The following DTX1 variants were observed in gnomAD, a reference collection of about 807,000 sequenced individuals.
DTX1 encodes the protein deltex E3 ubiquitin ligase 1, also known as E3 ubiquitin-protein ligase DTX1.
In DTX1, 26 loss-of-function variants were observed where a neutral mutation model predicts 57.8. The ratio of observed to expected loss-of-function variants is 0.45; its 90% CI spans 0.33 to 0.62. The LOEUF is 0.62. Ranked by LOEUF, DTX1 falls within the 20% of genes least tolerant of loss-of-function variation. The pLI is 0.02. For missense variants in DTX1, 704 were observed against 895.3 expected, an observed-to-expected ratio of 0.79 and a Z score of 2.73; for synonymous variants, 398 against 394.1, an observed-to-expected ratio of 1.01 and a Z score of -0.12.
In DTX1 at chr12:113,093,764, GACCCCT is replaced by G; in HGVS notation, c.1165+65_1165+70del. On this transcript the variant is annotated intron_variant, in intron 5 of 9. Transcript: ENST00000548759. The surrounding 1 kb of genome is among the most constrained non-coding windows in gnomAD (Gnocchi z 4.2). ...CACTAAGCCTTGACCACAACTCTGT[GACCCCT>G]GGTCTCCAACTTATTCTTAGCATTT... 2.5e-6 allele frequency: 4 copies of G among 1,590,884 alleles called. No homozygotes were observed. The highest frequency in any genetic ancestry group is 3.4e-6 in the Non-Finnish European group (4 of 1,165,244).
At chr12:113,078,858 G>T (rs2044795076) in intron 3 of DTX1, among the ~76,000 whole-genome samples, 1 of 152,108 alleles carries the variant, frequency 6.6e-6, no homozygotes, top group African/African-American at 2.4e-5. Context: ...ACTATGGTTT[G>T]CACACTGGGC....
At chr12:113,081,984 G>A (rs956535368) in intron 3 of DTX1, among the ~76,000 whole-genome samples, 1 of 152,190 alleles carries the variant, frequency 6.6e-6, no homozygotes, top group South Asian at 2.1e-4. Flanking sequence ...AGCTCTAGAG[G>A]GCTGTAGTGA....
intron 2 of DTX1, among the ~76,000 whole-genome samples, chr12:113,058,910 GTC>G (rs1379140152): frequency 6.6e-6 from 1 of 152,178 alleles, no homozygotes; most frequent in Admixed American, 6.5e-5. Context: ...AAGAAACCGA[GTC>G]TCCCAGAAGC....
chr12:113,086,734 A>G (rs1465093286), intron 3 of DTX1, among the ~76,000 whole-genome samples: 1 of 151,846 alleles, frequency 6.6e-6, no homozygotes, highest in Non-Finnish European at 1.5e-5. Context: ...CAGATCTTCC[A>G]TAAGTATTAC....
chr12:113,057,955 A>T lies in DTX1; in HGVS notation c.-238A>T. On this transcript the variant is annotated 5_prime_UTR_variant, in exon 2 of 10. Coordinates refer to ENST00000548759, the MANE Select transcript of DTX1 (RefSeq NM_004416.3). ...GGCATAAGAGAGACACTTGCTTTCC[A>T]GGGCAGCACCCTTTATCGGAGAAGG... 1 of 618,918 alleles carries T rather than the reference A, an allele frequency of 1.6e-6. No individual in the cohort carries two copies. Among genetic ancestry groups the T allele is most frequent in the Non-Finnish European group, 2.7e-6 (1 of 371,876 alleles). The allele number at this position is 618,918 out of a possible 1,614,324, so 38.3% of individuals were successfully genotyped here.
chr12:113,093,819 T>C lies in DTX1; in HGVS notation c.1165+119T>C, dbSNP rs1280020350. ...TTACTACCTCACCTCCATTGCCTGA[T>C]CTCAGCTCCCCTTGCCCTGGCCCCA... is the stretch of plus-strand genomic sequence containing the variant. On this transcript the variant is annotated intron_variant, in intron 5 of 9. Transcript: ENST00000548759. This position sits in a 1 kb window ranked among gnomAD's most constrained non-coding sequence, Gnocchi z 4.2. 6 of 1,481,656 alleles carry C rather than the reference T, an allele frequency of 4.0e-6. No individual in the cohort carries two copies. The highest frequency in any genetic ancestry group is 5.5e-6 in the Non-Finnish European group (6 of 1,093,648). The allele number at this position is 1,481,656 out of a possible 1,614,324, so 91.8% of individuals were successfully genotyped here.
chr12:113,079,851 G>A (rs2044804120), intron 3 of DTX1, among the ~76,000 whole-genome samples: 1 of 152,014 alleles, frequency 6.6e-6, no homozygotes, highest in South Asian at 2.1e-4. Context: ...GAGCCACCAT[G>A]CCCGGCCCCC....
At chr12:113,080,974 C>CAA (rs55853221) in intron 3 of DTX1, among the ~76,000 whole-genome samples, 2,218 of 141,540 alleles carry the variant, frequency 0.016, 50 homozygotes, top group African/African-American at 0.044. Flanking sequence ...GACACTGTCT[C>CAA]AAAAAAAAAA....
At chr12:113,060,678 T>G (rs1175963677) in intron 2 of DTX1, among the ~76,000 whole-genome samples, 1 of 151,958 alleles carries the variant, frequency 6.6e-6, no homozygotes, top group Non-Finnish European at 1.5e-5. Flanking sequence ...ATCCAGAGAG[T>G]AGAAGTCATC....
chr12:113,086,962 G>C (rs2044863948), intron 3 of DTX1, among the ~76,000 whole-genome samples: 1 of 150,138 alleles, frequency 6.7e-6, no homozygotes, highest in African/African-American at 2.5e-5. Flanking sequence ...CTCCCTGGGA[G>C]ACCAAACCAC....
At position 113,077,842 on chromosome 12, in the gene DTX1, GC is replaced by G; in HGVS notation, c.684del (p.Ala229ArgfsTer77). ...TCCTGGCCTCGCAGCGCCGCAAGGCGCCCCCCGCGCCCCCGCTGCCGCCGCC... is the reference window on the plus strand; with the variant it reads ...TCCTGGCCTCGCAGCGCCGCAAGGCGCCCCCGCGCCCCCGCTGCCGCCGCC... ...AILASQRRKAPPAPPLPPPPP... is the reference protein window; with the variant it reads ...AILASQRRKAXPAPPLPPPPP... On this transcript the variant is annotated frameshift_variant, in exon 3 of 10. Coordinates refer to ENST00000548759, the MANE Select transcript of DTX1 (RefSeq NM_004416.3). LOFTEE classifies it high-confidence loss of function. This position sits in a 1 kb window ranked among gnomAD's most constrained non-coding sequence, Gnocchi z 7.8. The G allele has an allele frequency of 6.7e-6, 9 of 1,336,806 alleles. No homozygotes were observed. The highest frequency in any genetic ancestry group is 6.1e-5 in the South Asian group (3 of 49,022). 82.8% of individuals were successfully genotyped at this position (1,336,806 alleles called of 1,614,324 possible).
At chr12:113,067,529 G>A (rs2044712117) in intron 2 of DTX1, among the ~76,000 whole-genome samples, 1 of 152,238 alleles carries the variant, frequency 6.6e-6, no homozygotes, top group South Asian at 2.1e-4. Context: ...ATAGAAGTGT[G>A]TGCAGTGTCT....
intron 3 of DTX1, among the ~76,000 whole-genome samples, chr12:113,083,449 C>T (rs2044832605): frequency 6.6e-6 from 1 of 152,140 alleles, no homozygotes; most frequent in Non-Finnish European, 1.5e-5. Flanking sequence ...CCTCAGCCTC[C>T]CAAGTAGTGG....
At position 113,093,708 on chromosome 12, in the gene DTX1, C is replaced by T; in HGVS notation, c.1165+8C>T. Reference sequence around the variant, plus strand: ...AGAAGCACCTTAAAAAGAGTACGCCCTCCACGCCCTGCCTCACACGAGATG... The same window carrying T: ...AGAAGCACCTTAAAAAGAGTACGCCTTCCACGCCCTGCCTCACACGAGATG... On this transcript the variant is annotated splice_region_variant and intron_variant, in intron 5 of 9. Transcript: ENST00000548759. The surrounding 1 kb of genome is among the most constrained non-coding windows in gnomAD (Gnocchi z 4.2). The T allele has an allele frequency of 1.2e-6, 2 of 1,612,758 alleles. No homozygotes were observed. The highest frequency in any genetic ancestry group is 1.7e-6 in the Non-Finnish European group (2 of 1,179,344).
At chr12:113,094,694 G>T in intron 6 of DTX1, 95 bp from the exon 7 acceptor site, 1 of 1,471,800 alleles carries the variant, frequency 6.8e-7, no homozygotes, top group Non-Finnish European at 9.2e-7. Flanking sequence ...GAGAGAGTGT[G>T]GTCTGCTGCC....
chr12:113,070,290 TG>T (rs2044730348), intron 2 of DTX1, among the ~76,000 whole-genome samples: 1 of 152,222 alleles, frequency 6.6e-6, no homozygotes, highest in Non-Finnish European at 1.5e-5. Flanking sequence ...AGTCTCTGAC[TG>T]GGGCCCAGCC....
At chr12:113,086,562 G>A (rs1269194019) in intron 3 of DTX1, among the ~76,000 whole-genome samples, 1 of 152,212 alleles carries the variant, frequency 6.6e-6, no homozygotes. Flanking sequence ...TCTGAATGCT[G>A]AGCATAGACC....
chr12:113,066,171 C>G (rs1026929131), intron 2 of DTX1, among the ~76,000 whole-genome samples: 1 of 152,198 alleles, frequency 6.6e-6, no homozygotes, highest in Non-Finnish European at 1.5e-5. Flanking sequence ...AAACAGCTAC[C>G]TCGGGGAATG....
At chr12:113,066,892 G>A (rs909756992) in intron 2 of DTX1, among the ~76,000 whole-genome samples, 5 of 151,984 alleles carry the variant, frequency 3.3e-5, no homozygotes, top group Admixed American at 6.5e-5. Context: ...AGGAGCTGCC[G>A]GGCTAGGAGC....
Sources: allele counts gnomAD v4.1 joint callset (sites outside exome capture counted in the v4.1 genomes callset), GRCh38; gene constraint gnomAD v4.1.1; non-coding constraint Gnocchi (gnomAD v3.1); transcripts MANE v1.5; gene names NCBI Gene and HGNC (gene_info 2026-07-23, HGNC 2026-07-21).